Variants in HTT observed in about 807,000 individuals in gnomAD.
HTT encodes huntingtin.
In HTT, 104 loss-of-function variants were observed where a neutral mutation model predicts 362.3. The observed-to-expected ratio is 0.29, with a 90% confidence interval of 0.24 to 0.34. The LOEUF is 0.34. Among genes scored for constraint, HTT ranks in the 10% least tolerant of loss-of-function variants. The pLI, the probability that HTT is intolerant of heterozygous loss-of-function variation, is 1.00. For missense variants in HTT, 3,301 were observed against 3,928.6 expected (o/e 0.84, Z 4.27); for synonymous variants, 1,577 against 1,548.7 (o/e 1.02, Z -0.43).
At chr4:3,170,462 C>T (rs1717918976) in intron 29 of HTT, among the ~76,000 whole-genome samples, 1 of 152,162 alleles carries the variant, frequency 6.6e-6, no homozygotes, top group Admixed American at 6.5e-5. Context: ...GAGCTCTGCT[C>T]CTTCTAATCC....
At chr4:3,212,413 CG>C (rs1027415932) in intron 48 of HTT, 150 bp from the exon 49 acceptor site, 1 of 1,047,306 alleles carries the variant, frequency 9.5e-7, no homozygotes, top group African/African-American at 1.6e-5. Flanking sequence ...CCCCAAACCA[CG>C]TGCAGTCCTG....
rs1260457762 is a variant in HTT, at chr4:3,189,081, A to G, written c.5356A>G (p.Ile1786Val). 1 of 1,614,122 alleles carries G rather than the reference A, an allele frequency of 6.2e-7. No individual in the cohort carries two copies. The highest frequency in any genetic ancestry group is 2.2e-5 in the East Asian group (1 of 44,892). Residue 1786 changes from isoleucine (I) to valine (V), a missense_variant, in exon 40 of 67, where the codon ATC (isoleucine) becomes GTC (valine). Around this residue, in one of 4 missense-constraint regions of HTT, gnomAD observed 2,316 missense variants for 2,658.5 expected, o/e 0.87. Transcript: ENST00000355072. ...LGTLLMCLIHIFKSGMFRRIT... is the reference protein window; with the variant it reads ...LGTLLMCLIHVFKSGMFRRIT... ...CACACTGCTAATGTGTCTGATCCAC[A>G]TCTTCAAGTCTGGTAGGTGAATCAC...
At chr4:3,217,216 T>C (rs1171315189) in intron 51 of HTT, among the ~76,000 whole-genome samples, 1 of 152,098 alleles carries the variant, frequency 6.6e-6, no homozygotes, top group Non-Finnish European at 1.5e-5. Flanking sequence ...TATTCTAGAC[T>C]CAAGACACCA....
At chr4:3,168,133 A>C (rs771311266) in intron 29 of HTT, among the ~76,000 whole-genome samples, 6 of 152,238 alleles carry the variant, frequency 3.9e-5, no homozygotes, top group Admixed American at 6.5e-5. Context: ...ACAGCATGGC[A>C]AGGTTTCAGA....
intron 27 of HTT, among the ~76,000 whole-genome samples, chr4:3,154,986 G>A (rs1338307505): frequency 6.6e-6 from 1 of 151,974 alleles, no homozygotes; most frequent in Non-Finnish European, 1.5e-5. Context: ...GCAGTTTATT[G>A]AATTCCCATC....
Position 3,209,966 on chromosome 4 carries a change from G to A in HTT, c.6414+17G>A. On this transcript the variant is annotated intron_variant, in intron 47 of 66. Coordinates refer to ENST00000355072, the MANE Select transcript of HTT (RefSeq NM_001388492.1). ...ATGAACTCGGTACGGGGGGAGCAGT[G>A]GAGGCAAGGAATCCTCAGCTTTTCT... 3.7e-6 allele frequency: 6 copies of A among 1,612,202 alleles called. No homozygotes were observed. The highest frequency in any genetic ancestry group is 5.1e-6 in the Non-Finnish European group (6 of 1,178,884).
intron 57 of HTT, among the ~76,000 whole-genome samples, chr4:3,226,363 T>C (rs1720915627): frequency 6.6e-6 from 1 of 152,044 alleles, no homozygotes; most frequent in Non-Finnish European, 1.5e-5. Context: ...TATAACATTT[T>C]AGGAGGCTGA....
chr4:3,077,540 C>T (rs1004918834), intron 1 of HTT, among the ~76,000 whole-genome samples: 1 of 152,120 alleles, frequency 6.6e-6, no homozygotes, highest in African/African-American at 2.4e-5. Context: ...CTGCCTCAGC[C>T]TTCTGAGTAG....
In HTT at chr4:3,202,405, C is replaced by T. The variant is rs141987019; in HGVS notation, c.5577-1602C>T. ...CTTTCAGAGGCTCATTACCCTATAG[C>T]TGTATTATTGCAAAGTGCACAATTA... On this transcript the variant is annotated intron_variant, in intron 41 of 66. Transcript: ENST00000355072. Among the ~76,000 whole-genome samples, 4 of 152,330 alleles carry T rather than the reference C, an allele frequency of 2.6e-5. No homozygotes were observed. In the East Asian group the frequency reaches 7.7e-4, roughly 29 times the overall value.
intron 5 of HTT, 142 bp from the exon 6 acceptor site, chr4:3,107,143 C>T (rs1393053953): frequency 8.4e-6 from 6 of 716,380 alleles, no homozygotes; most frequent in Non-Finnish European, 1.4e-5. Flanking sequence ...ATTTCATCCT[C>T]CTGTTCTTTC....
At position 3,206,413 on chromosome 4, in the gene HTT, C is replaced by A; in HGVS notation, c.5719-83C>A. On this transcript the variant is annotated intron_variant, in intron 42 of 66. Coordinates refer to ENST00000355072, the MANE Select transcript of HTT (RefSeq NM_001388492.1). This position sits in a 1 kb window ranked among gnomAD's most constrained non-coding sequence, Gnocchi z 4.6. ...TTTGGGATGTGTTTTCTCCTTCTTA[C>A]CCTTTCTGGCCTTTCTATGGCATTA... The A allele has an allele frequency of 9.7e-7, 1 of 1,033,272 alleles. No individual in the cohort carries two copies. The highest frequency in any genetic ancestry group is 1.5e-6 in the Non-Finnish European group (1 of 670,378). 64.0% of individuals were successfully genotyped at this position (1,033,272 alleles called of 1,614,324 possible).
chr4:3,080,699 T>G (rs1712848343), intron 1 of HTT, among the ~76,000 whole-genome samples: 1 of 152,262 alleles, frequency 6.6e-6, no homozygotes, highest in African/African-American at 2.4e-5. Context: ...AAAGGTTTAC[T>G]CCTATGTTTT....
At chr4:3,120,040 C>G (rs992155819) in intron 8 of HTT, among the ~76,000 whole-genome samples, 1 of 152,120 alleles carries the variant, frequency 6.6e-6, no homozygotes, top group Admixed American at 6.5e-5. Context: ...CCAGACCTGA[C>G]CTGTGCACTG....
chr4:3,087,043 C>G, intron 2 of HTT, 21 bp downstream of exon 2: 1 of 1,351,280 alleles, frequency 7.4e-7, no homozygotes, highest in African/African-American at 1.4e-5. Context: ...TTTGAACTGT[C>G]TAGAGAAAAT....
intron 47 of HTT, 99 bp from the exon 48 acceptor site, chr4:3,211,830 A>G (rs1720173272): frequency 2.4e-6 from 2 of 844,820 alleles, no homozygotes; most frequent in Non-Finnish European, 1.9e-6. Flanking sequence ...TTTCTCAGAA[A>G]CATTTGCCTT....
rs760155146 is a variant in HTT, at chr4:3,122,947, C to T, written c.1321+11C>T. 1 of 1,604,998 alleles carries T rather than the reference C, an allele frequency of 6.2e-7. No individual in the cohort carries two copies. The highest frequency in any genetic ancestry group is 8.5e-7 in the Non-Finnish European group (1 of 1,173,532). ...CAAGAAAACAAAAAGGTGATTATTT[C>T]AGAAATCAGAGTCTTGTGTTGAATC... On this transcript the variant is annotated intron_variant, in intron 10 of 66. Coordinates refer to ENST00000355072, the MANE Select transcript of HTT (RefSeq NM_001388492.1).
rs1159657704 is a variant in HTT at position 3,241,140 on chromosome 4, A to G, written c.*1081A>G. On this transcript the variant is annotated 3_prime_UTR_variant, in exon 67 of 67. Transcript: ENST00000355072. Reference sequence around the variant, plus strand: ...GGCAGGTGTTGGGACCTGCTGCTCCATGGATGCATGCCCTAAGAGTGTCAC... The same window carrying G: ...GGCAGGTGTTGGGACCTGCTGCTCCGTGGATGCATGCCCTAAGAGTGTCAC... The G allele has an allele frequency of 2.0e-5, 3 of 152,378 alleles. No individual in the cohort carries two copies. Among genetic ancestry groups the G allele is most frequent in the Non-Finnish European group, 2.9e-5 (2 of 68,190 alleles). 9.4% of individuals were successfully genotyped at this position (152,378 alleles called of 1,614,324 possible).
At chr4:3,184,229 A>G (rs374434357) in intron 37 of HTT, among the ~76,000 whole-genome samples, 19 of 152,096 alleles carry the variant, frequency 1.2e-4, no homozygotes, top group African/African-American at 4.3e-4. Context: ...GGGAAGGAAC[A>G]TTCCAGGCAG....
chr4:3,221,647 G>A (rs890136469), intron 53 of HTT, among the ~76,000 whole-genome samples: 4 of 152,134 alleles, frequency 2.6e-5, no homozygotes, highest in Admixed American at 6.5e-5. Flanking sequence ...ACCCCATCCC[G>A]TCTCTCTGGC....
Sources: allele counts gnomAD v4.1 joint callset (sites outside exome capture counted in the v4.1 genomes callset), GRCh38; gene constraint gnomAD v4.1.1; regional missense constraint gnomAD v4.1.1; non-coding constraint Gnocchi (gnomAD v3.1); transcripts MANE v1.5; gene names NCBI Gene and HGNC (gene_info 2026-07-23, HGNC 2026-07-21).